The following AGRN variants were observed in gnomAD, a reference collection of about 807,000 sequenced individuals.
AGRN encodes the protein agrin.
Under a neutral mutation model 211.0 loss-of-function variants are expected in AGRN, and 106 were observed. That is an observed-to-expected ratio of 0.50 (90% CI 0.43 to 0.59). The LOEUF (loss-of-function observed/expected upper bound fraction) is 0.59, where lower values mean the gene tolerates loss of function less well. Ranked by LOEUF, AGRN falls within the 20% of genes least tolerant of loss-of-function variation. The pLI, the probability that AGRN is intolerant of heterozygous loss-of-function variation, is 0.00. For missense variants in AGRN, 3,040 were observed against 2,982.6 expected (o/e 1.02, Z -0.45); for synonymous variants, 1,525 against 1,332.5 (o/e 1.14, Z -3.15).
intron 2 of AGRN, 108 bp from the exon 3 acceptor site, chr1:1,035,169 T>TGGGGGGG (rs56001364): frequency 4.0e-5 from 38 of 942,444 alleles, no homozygotes; most frequent in African/African-American, 2.0e-4. Flanking sequence ...GGGCTAGCGG[T>TGGGGGGG]GGGGGGGGGG....
rs543125348 is a variant in AGRN at position 1,034,770 on chromosome 1, C to T, written c.464-507C>T. 1.9e-5 allele frequency: 19 copies of T among 999,012 alleles called. No homozygotes were observed. In the East Asian group the frequency reaches 3.9e-4, roughly 20 times the overall value. The allele number at this position is 999,012 out of a possible 1,614,324, so 61.9% of individuals were successfully genotyped here. On this transcript the variant is annotated intron_variant, in intron 2 of 35. Transcript: ENST00000379370. Reference sequence around the variant, plus strand: ...ACCCCGAGGCCCCTGCACATAGAGGCTGGAGGCCGCGGCGGGTCCGCGGGG... The same window carrying T: ...ACCCCGAGGCCCCTGCACATAGAGGTTGGAGGCCGCGGCGGGTCCGCGGGG...
chr1:1,040,274 G>C (rs969415163), intron 3 of AGRN, among the ~76,000 whole-genome samples: 11 of 152,224 alleles, frequency 7.2e-5, no homozygotes, highest in African/African-American at 2.4e-4. Context: ...CTGGGGCCTG[G>C]ACTGCTTGTG....
Position 1,045,725 on chromosome 1 carries a change from C to A in AGRN, c.2537-8C>A, listed in dbSNP as rs368269692. The A allele has an allele frequency of 9.9e-6, 16 of 1,613,318 alleles. No homozygotes were observed. Among genetic ancestry groups the A allele is most frequent in the Non-Finnish European group, 1.4e-5 (16 of 1,179,948 alleles). On this transcript the variant is annotated splice_polypyrimidine_tract_variant and splice_region_variant and intron_variant, in intron 14 of 35. Transcript: ENST00000379370. ...GGACATCACGTTCCTCCCCGATTTT[C>A]CCCAAAGCCTGCAGCTGTGATCCCC...
intron 12 of AGRN, among the ~76,000 whole-genome samples, chr1:1,044,732 C>G (rs28671134): frequency 1.4e-4 from 21 of 152,210 alleles, no homozygotes; most frequent in African/African-American, 4.8e-4. Flanking sequence ...TCCATCCGGT[C>G]GATGTATCAC....
At chr1:1,044,782 C>T (rs1294762607) in intron 12 of AGRN, among the ~76,000 whole-genome samples, 3 of 152,170 alleles carry the variant, frequency 2.0e-5, no homozygotes, top group South Asian at 4.1e-4. Flanking sequence ...GTGTGATGCG[C>T]GTGCACAGAT....
intron 1 of AGRN, among the ~76,000 whole-genome samples, chr1:1,021,878 G>A (rs1179685586): frequency 6.6e-6 from 1 of 152,232 alleles, no homozygotes; most frequent in Admixed American, 6.5e-5. Context: ...TGGAAGGCAG[G>A]CACCCCAAGC....
rs1425836690 is a variant in AGRN at position 1,053,672 on chromosome 1, TGG to T, written c.5652-78_5652-77del. Reference sequence around the variant, plus strand: ...TCACAGCCCTTGTGGCCTCCGCAGCTGGGGCCCTTGTCCTCCCGCCTCCCCCA... The same window carrying T: ...TCACAGCCCTTGTGGCCTCCGCAGCTGGCCCTTGTCCTCCCGCCTCCCCCA... On this transcript the variant is annotated intron_variant, in intron 33 of 35. Transcript: ENST00000379370. 21 of 1,509,772 alleles carry T rather than the reference TGG, an allele frequency of 1.4e-5. No homozygotes were observed. The East Asian group carries it at 3.7e-4, about 26-fold the overall frequency. 93.5% of individuals were successfully genotyped at this position (1,509,772 alleles called of 1,614,324 possible).
Position 1,041,944 on chromosome 1 carries a change from C to T in AGRN, c.1178-12C>T. The T allele has an allele frequency of 2.5e-6, 4 of 1,611,346 alleles. No homozygotes were observed. Among genetic ancestry groups the T allele is most frequent in the Non-Finnish European group, 2.5e-6 (3 of 1,179,444 alleles). On this transcript the variant is annotated splice_polypyrimidine_tract_variant and intron_variant, in intron 6 of 35. Transcript: ENST00000379370. ...CCAGCCTCTCCGTGACTCCCTCACC[C>T]CTGCGTCCTAGACCAGTGCCCGGAG...
chr1:1,037,565 G>A (rs1020387416), intron 3 of AGRN, among the ~76,000 whole-genome samples: 2 of 152,168 alleles, frequency 1.3e-5, no homozygotes, highest in South Asian at 2.1e-4. Flanking sequence ...GGGAGGACCC[G>A]TCACGCTGCG....
Position 1,046,180 on chromosome 1 carries a change from C to T in AGRN, c.2826C>T (p.Val942=), listed in dbSNP as rs931458802. 1 of 1,613,850 alleles carries T rather than the reference C, an allele frequency of 6.2e-7. No individual in the cohort carries two copies. The highest frequency in any genetic ancestry group is 8.5e-7 in the Non-Finnish European group (1 of 1,179,994). The change falls in exon 17 of 36, where the codon GTC becomes GTT. Residue 942 remains valine, a synonymous_variant. Transcript: ENST00000379370. ...CCCAGGTCTGTGGGTCAGATGGAGT[C>T]ACATACGGCAACGAGTGTCAGCTGA... ...NATKVCGSDG[V]TYGNECQLKT... is the part of the protein sequence containing the mutation.
At chr1:1,050,995 T>G in intron 30 of AGRN, 158 bp downstream of exon 30, 1 of 1,550,290 alleles carries the variant, frequency 6.5e-7, no homozygotes, top group Non-Finnish European at 8.7e-7. Context: ...TGCTCTCTGC[T>G]CTCGCTCTGC....
At chr1:1,038,215 C>T (rs1644847102) in intron 3 of AGRN, among the ~76,000 whole-genome samples, 4 of 152,284 alleles carry the variant, frequency 2.6e-5, no homozygotes, top group Middle Eastern at 3.4e-3. Context: ...CCAAGAGGAG[C>T]GGACTCTCTG....
intron 6 of AGRN, 29 bp downstream of exon 6, chr1:1,041,731 GGCCAGT>G: frequency 6.5e-7 from 1 of 1,549,366 alleles, no homozygotes; most frequent in African/African-American, 1.4e-5. Context: ...GGAGGGCTCC[GGCCAGT>G]GCCAGGGTCG....
intron 35 of AGRN, 51 bp downstream of exon 35, chr1:1,054,602 C>A (rs1645401813): frequency 3.2e-6 from 5 of 1,545,608 alleles, no homozygotes; most frequent in Non-Finnish European, 4.4e-6. Flanking sequence ...CTCATGATAT[C>A]CGAGGGACAG....
At chr1:1,042,746 G>A (rs187703432) in intron 7 of AGRN, among the ~76,000 whole-genome samples, 2 of 152,104 alleles carry the variant, frequency 1.3e-5, no homozygotes, top group East Asian at 1.9e-4. Context: ...CCCGCAGCCC[G>A]AGGTCTGCCC....
At position 1,046,538 on chromosome 1, in the gene AGRN, C is replaced by T. The variant is rs141306593; in HGVS notation, c.3053C>T (p.Pro1018Leu). 13 of 1,610,624 alleles carry T rather than the reference C, an allele frequency of 8.1e-6. No homozygotes were observed. In the African/African-American group the frequency reaches 1.6e-4, roughly 20 times the overall value. ...AGTACCGCACACAGCCAGACCACCCCTCCGCCCTCATCACGACCTCGGACC... is the reference window on the plus strand; with the variant it reads ...AGTACCGCACACAGCCAGACCACCCTTCCGCCCTCATCACGACCTCGGACC... ...PSSTAHSQTT[P>L]PPSSRPRTTA... Residue 1018 changes from proline (P) to leucine (L), a missense_variant, in exon 18 of 36, where the codon CCT becomes CTT. Pro to Leu is a moderately conservative substitution (Grantham distance 98). Transcript: ENST00000379370.
Position 1,044,157 on chromosome 1 carries a change from A to G in AGRN, c.2048A>G (p.Glu683Gly), listed in dbSNP as rs754986603. Residue 683 changes from glutamate (E) to glycine (G), a missense_variant, in exon 11 of 36, where the codon GAG becomes GGG. Glu to Gly is a moderately conservative substitution (Grantham distance 98, BLOSUM62 -2). Around this residue, in one of 3 missense-constraint regions of AGRN, gnomAD observed 1,498 missense variants for 1,457.8 expected, o/e 1.03. Transcript: ENST00000379370. ...GGCTCTGGGGAGGACGGTGACTGTG[A>G]GCAGGAGCTGTGCCGGCAGCGCGGT... Reference protein sequence around the residue: ...GSGSGEDGDCEQELCRQRGGI... With the variant: ...GSGSGEDGDCGQELCRQRGGI... 2.5e-6 allele frequency: 4 copies of G among 1,613,086 alleles called. No homozygotes were observed. Among genetic ancestry groups the G allele is most frequent in the Admixed American group, 3.3e-5 (2 of 59,996 alleles).
chr1:1,027,706 G>A (rs1192688083), intron 2 of AGRN, among the ~76,000 whole-genome samples: 2 of 152,182 alleles, frequency 1.3e-5, no homozygotes, highest in African/African-American at 4.8e-5. Flanking sequence ...CCTCGAGACT[G>A]ACACAGATGC....
chr1:1,020,451 C>T, intron 1 of AGRN, 78 bp downstream of exon 1: 1 of 1,363,770 alleles, frequency 7.3e-7, no homozygotes, highest in African/African-American at 1.5e-5. Flanking sequence ...CCGTGGGAAC[C>T]AGCCCCGGTC....
Sources: allele counts gnomAD v4.1 joint callset (sites outside exome capture counted in the v4.1 genomes callset), GRCh38; gene constraint gnomAD v4.1.1; regional missense constraint gnomAD v4.1.1; transcripts MANE v1.5; gene names NCBI Gene and HGNC (gene_info 2026-07-23, HGNC 2026-07-21).